Variants in NBEA observed in about 807,000 individuals in gnomAD.
NBEA encodes neurobeachin.
A neutral mutation model predicts 343.4 loss-of-function variants in NBEA; 44 were observed. The observed-to-expected ratio is 0.13, with a 90% confidence interval of 0.10 to 0.16. The LOEUF is 0.16. Ranked by LOEUF, NBEA falls within the 10% of genes least tolerant of loss-of-function variation. The pLI is 1.00. For missense variants in NBEA, 2,555 were observed against 3,631.3 expected, an observed-to-expected ratio of 0.70 and a Z score of 7.62; for synonymous variants, 1,175 against 1,238.7, an observed-to-expected ratio of 0.95 and a Z score of 1.08.
chr13:35,582,142 T>C (rs1016258988), intron 45 of NBEA, among the ~76,000 whole-genome samples: 13 of 151,666 alleles, frequency 8.6e-5, no homozygotes, highest in African/African-American at 1.5e-4. Flanking sequence ...AAAAATTAGC[T>C]GGGCATGGTG....
intron 36 of NBEA, among the ~76,000 whole-genome samples, chr13:35,348,783 A>G (rs2040018164): frequency 1.3e-5 from 2 of 152,050 alleles, no homozygotes; most frequent in South Asian, 4.1e-4. Context: ...GTGAAAAATT[A>G]CCTCTAAGAT....
At chr13:35,254,549 T>C (rs2152791631) in intron 34 of NBEA, among the ~76,000 whole-genome samples, 1 of 152,192 alleles carries the variant, frequency 6.6e-6, no homozygotes, top group Non-Finnish European at 1.5e-5. Context: ...CTTGAATTCC[T>C]GGGCTCAAGC....
At chr13:35,415,472 A>T (rs531210398) in intron 38 of NBEA, among the ~76,000 whole-genome samples, 31 of 152,276 alleles carry the variant, frequency 2.0e-4, no homozygotes, top group African/African-American at 7.2e-4. Flanking sequence ...TTTTCCCAGC[A>T]CCATTTATTA....
chr13:35,612,421 G>C (rs7327881), intron 48 of NBEA, among the ~76,000 whole-genome samples: 47,791 of 151,962 alleles, frequency 0.31, 7,954 homozygotes, highest in African/African-American at 0.4. Context: ...CGTGAGCCAC[G>C]GCGCCTGGCC....
chr13:35,559,131 C>T (rs1467623103), intron 44 of NBEA, among the ~76,000 whole-genome samples: 1 of 152,180 alleles, frequency 6.6e-6, no homozygotes, highest in Non-Finnish European at 1.5e-5. Context: ...GCATTAAAGA[C>T]ATGGGTGATG....
chr13:35,276,254 A>C (rs1207228251), intron 34 of NBEA, among the ~76,000 whole-genome samples: 2 of 152,100 alleles, frequency 1.3e-5, no homozygotes, highest in African/African-American at 4.8e-5. Flanking sequence ...GTTCTAATAC[A>C]ATTGGTGTAT....
chr13:35,117,619 CAT>C, intron 14 of NBEA, 126 bp downstream of exon 14: 1 of 360,632 alleles, frequency 2.8e-6, no homozygotes, highest in Non-Finnish European at 4.8e-6. Flanking sequence ...AAATTCTCCA[CAT>C]CTTAGTATTC....
intron 17 of NBEA, among the ~76,000 whole-genome samples, chr13:35,134,078 C>G (rs73500501): frequency 0.015 from 2,276 of 152,018 alleles, 59 homozygotes; most frequent in African/African-American, 0.052. Flanking sequence ...GAAGGACATT[C>G]TGTATTTTGA....
intron 1 of NBEA, 42 bp downstream of exon 1, chr13:34,943,156 A>G (rs2059082102): frequency 6.2e-7 from 1 of 1,604,596 alleles, no homozygotes; most frequent in African/African-American, 1.3e-5. Context: ...CCCAGTCCCC[A>G]CATACACCGT....
In NBEA at chr13:35,090,732, C is replaced by G. The variant is rs1411811986; in HGVS notation, c.1572-7565C>G. ...CAAGTCAGTAAGAATACAAAAAAATCAGTTCCAATTCTGGTTAAGGTAGAG... is the reference window on the plus strand; with the variant it reads ...CAAGTCAGTAAGAATACAAAAAAATGAGTTCCAATTCTGGTTAAGGTAGAG... On this transcript the variant is annotated intron_variant, in intron 10 of 58. Coordinates refer to ENST00000379939, the MANE Select transcript of NBEA (RefSeq NM_001385012.1). 2.6e-5 allele frequency among the ~76,000 whole-genome samples: 4 copies of G among 151,964 alleles called. No individual in the cohort carries two copies. The East Asian group carries it at 7.8e-4, about 29-fold the overall frequency.
At chr13:35,124,651 T>TAC (rs1177069703) in intron 17 of NBEA, among the ~76,000 whole-genome samples, 1 of 150,464 alleles carries the variant, frequency 6.6e-6, no homozygotes, top group Admixed American at 6.6e-5. Flanking sequence ...TATATGGATA[T>TAC]ACACACACAT....
In NBEA at chr13:35,164,414, C is replaced by T; in HGVS notation, c.4138C>T (p.His1380Tyr). The change falls in exon 24 of 59, where the codon CAT becomes TAT. Residue 1380 changes from histidine (H) to tyrosine (Y), a missense_variant. Transcript: ENST00000379939. Reference sequence around the variant, plus strand: ...TAGCAATGAAAATATTATTTTTGTACATAACACAATTCACCTCATTTCCCA... The same window carrying T: ...TAGCAATGAAAATATTATTTTTGTATATAACACAATTCACCTCATTTCCCA... ...VNSNENIIFVHNTIHLISQMV... is the reference protein window; with the variant it reads ...VNSNENIIFVYNTIHLISQMV... 1 of 1,600,014 alleles carries T rather than the reference C, an allele frequency of 6.2e-7. No homozygotes were observed. Among genetic ancestry groups the T allele is most frequent in the Non-Finnish European group, 8.5e-7 (1 of 1,171,772 alleles).
Position 34,942,891 on chromosome 13 carries a change from C to T in NBEA, c.71C>T (p.Ala24Val), listed in dbSNP as rs1317207867. ...PQPVGLIAVG[A>V]AGGGGGGSGG... ...CCCGTGGGGCTCATTGCCGTCGGGG[C>T]CGCTGGCGGAGGCGGCGGGGGCAGC... Residue 24 changes from alanine (A) to valine (V), a missense_variant, in exon 1 of 59, where the codon GCC becomes GTC. Transcript: ENST00000379939. 1.4e-6 allele frequency: 2 copies of T among 1,457,698 alleles called. No individual in the cohort carries two copies. Among genetic ancestry groups the T allele is most frequent in the South Asian group, 1.4e-5 (1 of 73,878 alleles). 90.3% of individuals were successfully genotyped at this position (1,457,698 alleles called of 1,614,324 possible).
intron 48 of NBEA, among the ~76,000 whole-genome samples, chr13:35,625,812 T>C (rs1352472610): frequency 6.6e-6 from 1 of 152,160 alleles, no homozygotes; most frequent in Non-Finnish European, 1.5e-5. Context: ...CAATGAGATA[T>C]TATTTTGTAT....
At chr13:35,599,970 A>G (rs1485085881) in intron 47 of NBEA, among the ~76,000 whole-genome samples, 1 of 152,240 alleles carries the variant, frequency 6.6e-6, no homozygotes, top group Non-Finnish European at 1.5e-5. Context: ...TCAACTTTAA[A>G]TAACCATATT....
intron 1 of NBEA, among the ~76,000 whole-genome samples, chr13:34,977,100 C>T (rs918618492): frequency 2.6e-5 from 4 of 151,782 alleles, no homozygotes; most frequent in Non-Finnish European, 5.9e-5. Context: ...ACCATCACGG[C>T]CAGCAAATTT....
At chr13:35,076,720 A>G (rs1418537470) in intron 10 of NBEA, among the ~76,000 whole-genome samples, 1 of 152,068 alleles carries the variant, frequency 6.6e-6, no homozygotes, top group African/African-American at 2.4e-5. Flanking sequence ...CCATGGACAC[A>G]TCTTCACTAA....
intron 39 of NBEA, among the ~76,000 whole-genome samples, chr13:35,446,681 G>C (rs2046064400): frequency 6.6e-6 from 1 of 152,084 alleles, no homozygotes; most frequent in South Asian, 2.1e-4. Flanking sequence ...CAGTAAAATA[G>C]TGAGGTTAAA....
At chr13:35,391,037 G>A (rs1231125220) in intron 38 of NBEA, among the ~76,000 whole-genome samples, 2 of 152,098 alleles carry the variant, frequency 1.3e-5, no homozygotes, top group African/African-American at 4.8e-5. Flanking sequence ...CACTTTGGGA[G>A]GCCAAGACTC....
Sources: allele counts gnomAD v4.1 joint callset (sites outside exome capture counted in the v4.1 genomes callset), GRCh38; gene constraint gnomAD v4.1.1; transcripts MANE v1.5; gene names NCBI Gene and HGNC (gene_info 2026-07-23, HGNC 2026-07-21).